Variants in CADM2 observed in about 807,000 individuals in gnomAD.
CADM2 encodes cell adhesion molecule 2.
In CADM2, 12 loss-of-function variants were observed where a neutral mutation model predicts 49.8. The observed-to-expected ratio is 0.24, with a 90% confidence interval of 0.15 to 0.39. The LOEUF (loss-of-function observed/expected upper bound fraction) is 0.39. Among genes scored for constraint, CADM2 ranks in the 10% least tolerant of loss-of-function variants. CADM2 has a pLI of 1.00. For synonymous variants in CADM2, 214 were observed against 175.4 expected, an observed-to-expected ratio of 1.22 and a Z score of -1.74; for missense variants, 378 against 492.3, an observed-to-expected ratio of 0.77 and a Z score of 2.20.
At chr3:85,769,307 T>TACAC (rs1374795791) in intron 2 of CADM2, among the ~76,000 whole-genome samples, 1 of 105,328 alleles carries the variant, frequency 9.5e-6, no homozygotes, top group African/African-American at 3.9e-5. Context: ...TACACGTATA[T>TACAC]ACATATATAC....
At chr3:85,373,643 CT>C (rs34209432) in intron 1 of CADM2, among the ~76,000 whole-genome samples, 34 of 152,224 alleles carry the variant, frequency 2.2e-4, no homozygotes, top group Non-Finnish European at 4.6e-4. Flanking sequence ...GGTTCCACCC[CT>C]GCAGCACACC....
intron 1 of CADM2, among the ~76,000 whole-genome samples, chr3:85,432,403 T>A (rs961071856): frequency 2.0e-5 from 3 of 152,038 alleles, no homozygotes; most frequent in Non-Finnish European, 4.4e-5. Flanking sequence ...GTTCAAGAAT[T>A]TCTGCAAAAA....
At chr3:85,406,628 A>G (rs550224073) in intron 1 of CADM2, among the ~76,000 whole-genome samples, 2 of 152,174 alleles carry the variant, frequency 1.3e-5, no homozygotes, top group South Asian at 4.1e-4. Context: ...TTCTCTTCCA[A>G]ATCTGATCTT....
chr3:85,537,702 C>A (rs970882625), intron 1 of CADM2, among the ~76,000 whole-genome samples: 1 of 151,736 alleles, frequency 6.6e-6, no homozygotes, highest in Non-Finnish European at 1.5e-5. Flanking sequence ...TGTAAAATAA[C>A]TACAAACTCA....
intron 1 of CADM2, among the ~76,000 whole-genome samples, chr3:85,226,228 C>A (rs2107802222): frequency 6.7e-6 from 1 of 149,124 alleles, no homozygotes; most frequent in Admixed American, 6.7e-5. Context: ...TAGAATTTGG[C>A]TATGAATCTG....
chr3:85,677,118 G>A (rs1434046971), intron 1 of CADM2, among the ~76,000 whole-genome samples: 1 of 152,004 alleles, frequency 6.6e-6, no homozygotes, highest in Non-Finnish European at 1.5e-5. Context: ...CACACGTATT[G>A]ACCTTATTAC....
intron 1 of CADM2, among the ~76,000 whole-genome samples, chr3:85,436,575 A>T (rs539706214): frequency 6.6e-6 from 1 of 152,140 alleles, no homozygotes; most frequent in African/African-American, 2.4e-5. Context: ...TATTATTTTG[A>T]TATAGTTTTC....
chr3:85,298,920 T>C (rs532385710), intron 1 of CADM2, among the ~76,000 whole-genome samples: 1 of 152,184 alleles, frequency 6.6e-6, no homozygotes, highest in East Asian at 1.9e-4. Context: ...TAGTGTGTAT[T>C]ACATGAGCAC....
chr3:85,789,463 T>C (rs1363622182), intron 2 of CADM2, among the ~76,000 whole-genome samples: 1 of 152,198 alleles, frequency 6.6e-6, no homozygotes, highest in Non-Finnish European at 1.5e-5. Context: ...TTTAAAACCC[T>C]CTTATTCTTT....
chr3:85,609,323 A>G (rs935877397), intron 1 of CADM2, among the ~76,000 whole-genome samples: 1 of 152,170 alleles, frequency 6.6e-6, no homozygotes, highest in Non-Finnish European at 1.5e-5. Flanking sequence ...CTACAAAATA[A>G]TACTATAGTA....
intron 2 of CADM2, among the ~76,000 whole-genome samples, chr3:85,773,758 T>G (rs2070219744): frequency 6.6e-6 from 1 of 152,008 alleles, no homozygotes; most frequent in Admixed American, 6.6e-5. Flanking sequence ...GTGCTGGGGT[T>G]CGTGCCAATC....
chr3:85,868,530 C>T (rs1465990867), intron 3 of CADM2, among the ~76,000 whole-genome samples: 4 of 152,004 alleles, frequency 2.6e-5, no homozygotes, highest in Admixed American at 2.6e-4. Flanking sequence ...CCTTGAATGT[C>T]TAACGATTTT....
At chr3:85,781,368 T>G (rs2070641136) in intron 2 of CADM2, among the ~76,000 whole-genome samples, 1 of 152,200 alleles carries the variant, frequency 6.6e-6, no homozygotes, top group Non-Finnish European at 1.5e-5. Context: ...GGTACTCTCT[T>G]TCCTTCCTTT....
chr3:85,492,952 A>G (rs2039738370), intron 1 of CADM2, among the ~76,000 whole-genome samples: 1 of 152,100 alleles, frequency 6.6e-6, no homozygotes, highest in Admixed American at 6.6e-5. Flanking sequence ...AACTCGTATA[A>G]ATTAGGATAT....
At chr3:85,034,213 G>C (rs13094811) in intron 1 of CADM2, among the ~76,000 whole-genome samples, 1 of 152,060 alleles carries the variant, frequency 6.6e-6, no homozygotes, top group African/African-American at 2.4e-5. Flanking sequence ...TCAAATGCTA[G>C]GTCTTATTCA....
intron 1 of CADM2, among the ~76,000 whole-genome samples, chr3:85,353,176 T>C (rs997452352): frequency 1.3e-5 from 2 of 152,122 alleles, no homozygotes; most frequent in Admixed American, 6.6e-5. Flanking sequence ...GAATATGTCA[T>C]TGACTAGAAT....
chr3:85,185,330 G>GAA (rs35913630), intron 1 of CADM2, among the ~76,000 whole-genome samples: 4 of 144,956 alleles, frequency 2.8e-5, no homozygotes, highest in African/African-American at 7.4e-5. Context: ...AACAAAAAAT[G>GAA]AAAAAAAAAA....
intron 3 of CADM2, among the ~76,000 whole-genome samples, chr3:85,803,401 G>A (rs1025996887): frequency 6.6e-6 from 1 of 151,936 alleles, no homozygotes; most frequent in African/African-American, 2.4e-5. Flanking sequence ...ACATTAAAAG[G>A]GGACAAGTGC....
At chr3:85,351,495 A>G (rs886336329) in intron 1 of CADM2, among the ~76,000 whole-genome samples, 3 of 152,194 alleles carry the variant, frequency 2.0e-5, no homozygotes, top group Admixed American at 2.0e-4. Flanking sequence ...TATTCCATGA[A>G]TTACATTAAA....
Sources: gnomAD v4.1 joint callset for allele counts (sites outside exome capture counted in the v4.1 genomes callset) on GRCh38, gnomAD v4.1.1 for gene constraint, MANE v1.5 for transcripts, NCBI Gene and HGNC (gene_info 2026-07-23, HGNC 2026-07-21) for gene names.